The following SRPK2 variants were observed in gnomAD, a reference collection of about 807,000 sequenced individuals.
The protein encoded by SRPK2 is SRSF protein kinase 2, also known as SFRS protein kinase 2.
In SRPK2, 21 loss-of-function variants were observed where a neutral mutation model predicts 90.8. The observed-to-expected ratio is 0.23, with a 90% CI of 0.16 to 0.33. The LOEUF (loss-of-function observed/expected upper bound fraction) is 0.33. Among genes scored for constraint, SRPK2 ranks in the 10% least tolerant of loss-of-function variants. The pLI, the probability that SRPK2 is intolerant of heterozygous loss-of-function variation, is 1.00. For synonymous variants in SRPK2, 288 were observed against 311.1 expected (o/e 0.93, Z 0.78); for missense variants, 620 against 869.0 (o/e 0.71, Z 3.60).
intron 2 of SRPK2, among the ~76,000 whole-genome samples, chr7:105,362,753 T>C (rs924719259): frequency 3.9e-5 from 6 of 152,196 alleles, no homozygotes; most frequent in Non-Finnish European, 5.9e-5. Context: ...ACATGTATGT[T>C]TACTGTGGCA....
chr7:105,394,123 G>GTCTT (rs1362520454), upstream of SRPK2, among the ~76,000 whole-genome samples: 76 of 151,492 alleles, frequency 5.0e-4, no homozygotes, highest in South Asian at 1.7e-3. Context: ...TGTGGCCAGA[G>GTCTT]TCTTTCTTTC....
At chr7:105,152,176 G>A (rs1420999192) in intron 7 of SRPK2, among the ~76,000 whole-genome samples, 1 of 151,898 alleles carries the variant, frequency 6.6e-6, no homozygotes, top group Non-Finnish European at 1.5e-5. Flanking sequence ...TTGAGATGGA[G>A]TCTCACTCTA....
intron 2 of SRPK2, among the ~76,000 whole-genome samples, chr7:105,239,513 T>G (rs1800541365): frequency 6.6e-6 from 1 of 152,228 alleles, no homozygotes; most frequent in Non-Finnish European, 1.5e-5. Flanking sequence ...CTTTGTTTTC[T>G]CCTCCTGTAA....
At chr7:105,356,137 C>T (rs891127789) in intron 2 of SRPK2, among the ~76,000 whole-genome samples, 1 of 152,178 alleles carries the variant, frequency 6.6e-6, no homozygotes, top group African/African-American at 2.4e-5. Flanking sequence ...TTTTCAGGAT[C>T]TGCATGGTGA....
chr7:105,159,329 T>A (rs1451385097), intron 7 of SRPK2, among the ~76,000 whole-genome samples: 2 of 150,194 alleles, frequency 1.3e-5, no homozygotes, highest in East Asian at 2.0e-4. Flanking sequence ...CTACTAAAAA[T>A]ACAAAAATTA....
intron 3 of SRPK2, among the ~76,000 whole-genome samples, chr7:105,170,855 GAAAGAAAGAAAGAAAGAAAGA>G (rs1790819450): frequency 2.7e-5 from 1 of 36,372 alleles, no homozygotes. Context: ...AAGAAAGAAA[GAAAGAAAGAAAGAAAGAAAGA>G]AAGAAAGAAA....
At chr7:105,157,970 G>A (rs1806779652) in intron 7 of SRPK2, among the ~76,000 whole-genome samples, 1 of 152,180 alleles carries the variant, frequency 6.6e-6, no homozygotes, top group Non-Finnish European at 1.5e-5. Context: ...GGAGGCTGAG[G>A]TGGGAGGATC....
At chr7:105,394,586 C>T (rs545572243) in intron 1 of SRPK2, among the ~76,000 whole-genome samples, 3 of 152,242 alleles carry the variant, frequency 2.0e-5, no homozygotes, top group Admixed American at 6.5e-5. Flanking sequence ...TAGGTCAGTT[C>T]GATAATCAAA....
chr7:105,293,637 C>T (rs1809381604), intron 2 of SRPK2, among the ~76,000 whole-genome samples: 1 of 152,034 alleles, frequency 6.6e-6, no homozygotes, highest in Non-Finnish European at 1.5e-5. Flanking sequence ...CCAGGCTGGT[C>T]TCAAACTCCT....
intron 2 of SRPK2, among the ~76,000 whole-genome samples, chr7:105,302,470 C>A (rs1374761234): frequency 6.6e-6 from 1 of 152,164 alleles, no homozygotes; most frequent in African/African-American, 2.4e-5. Flanking sequence ...ACTCAGTGAA[C>A]AGTTACTCCA....
At chr7:105,389,332 C>G, upstream of SRPK2, 1 of 1,279,528 alleles carries the variant, frequency 7.8e-7, no homozygotes, top group South Asian at 1.2e-5. Context: ...CCCGCGGCCT[C>G]TTCTCTCCCT....
chr7:105,208,355 T>A (rs1200683134), intron 2 of SRPK2, among the ~76,000 whole-genome samples: 1 of 152,074 alleles, frequency 6.6e-6, no homozygotes, highest in Non-Finnish European at 1.5e-5. Flanking sequence ...TTCAGAGAAG[T>A]ACTACTATTT....
intron 11 of SRPK2, among the ~76,000 whole-genome samples, chr7:105,141,682 A>G (rs1229871839): frequency 6.6e-6 from 1 of 152,228 alleles, no homozygotes; most frequent in African/African-American, 2.4e-5. Context: ...ATGGAAGAAG[A>G]TACGAATTTT....
intron 2 of SRPK2, among the ~76,000 whole-genome samples, chr7:105,336,802 T>C (rs1394444103): frequency 1.3e-5 from 2 of 151,918 alleles, no homozygotes; most frequent in Non-Finnish European, 2.9e-5. Context: ...TGGATTGAGT[T>C]TCTGTTTTTT....
chr7:105,118,535 C>T (rs1398824213), intron 15 of SRPK2, among the ~76,000 whole-genome samples: 1 of 152,078 alleles, frequency 6.6e-6, no homozygotes, highest in East Asian at 1.9e-4. Context: ...CTTTGGTTGA[C>T]ATAACAGAAT....
At position 105,284,867 on chromosome 7, in the gene SRPK2, C is replaced by A. The variant is rs569105617; in HGVS notation, c.72-81082G>T. On this transcript the variant is annotated intron_variant, in intron 2 of 15. Coordinates refer to ENST00000393651, the MANE Select transcript of SRPK2 (RefSeq NM_182692.3). ...TGGGCTGGGTCTACTTTATTCCTGT[C>A]TTGCTGTTTGTGAGGTTTCCCACAT... Among the ~76,000 whole-genome samples the A allele has an allele frequency of 5.9e-5, 9 of 152,310 alleles. No individual in the cohort carries two copies. The East Asian group carries it at 1.7e-3, about 29-fold the overall frequency.
chr7:105,221,101 T>C (rs894016932), intron 2 of SRPK2, among the ~76,000 whole-genome samples: 1 of 152,098 alleles, frequency 6.6e-6, no homozygotes, highest in African/African-American at 2.4e-5. Context: ...TCGACAAAAA[T>C]CTCTAAAACA....
intron 6 of SRPK2, among the ~76,000 whole-genome samples, chr7:105,160,928 CTTTATT>C (rs946725403): frequency 6.6e-6 from 1 of 151,908 alleles, no homozygotes; most frequent in Non-Finnish European, 1.5e-5. Flanking sequence ...CTTCCATATA[CTTTATT>C]TTTATTTTTT....
chr7:105,148,485 A>G (rs1804999902), intron 7 of SRPK2, among the ~76,000 whole-genome samples: 1 of 152,236 alleles, frequency 6.6e-6, no homozygotes, highest in Non-Finnish European at 1.5e-5. Flanking sequence ...TTCCATAAAC[A>G]AAATTTATTT....
Sources: gnomAD v4.1 joint callset for allele counts (sites outside exome capture counted in the v4.1 genomes callset) on GRCh38, gnomAD v4.1.1 for gene constraint, MANE v1.5 for transcripts, NCBI Gene and HGNC (gene_info 2026-07-23, HGNC 2026-07-21) for gene names.